CUX1: variants seen among roughly 807,000 people sequenced by gnomAD.
The protein encoded by CUX1 is protein CASP.
Under a neutral mutation model 158.8 loss-of-function variants are expected in CUX1, and 31 were observed. The observed-to-expected ratio is 0.20, with a 90% confidence interval of 0.15 to 0.26. The LOEUF (loss-of-function observed/expected upper bound fraction) is 0.26, where lower values mean the gene tolerates loss of function less well. Ranked by LOEUF, CUX1 falls within the 10% of genes least tolerant of loss-of-function variation. CUX1 has a pLI of 1.00. For missense variants in CUX1, 1,589 were observed against 2,014.6 expected (o/e 0.79, Z 4.04); for synonymous variants, 879 against 862.1 (o/e 1.02, Z -0.34).
chr7:102,090,122 G>A (rs766665360), intron 4 of CUX1, among the ~76,000 whole-genome samples: 5 of 152,166 alleles, frequency 3.3e-5, no homozygotes, highest in Non-Finnish European at 7.4e-5. Flanking sequence ...CATGGAAATG[G>A]CTGGAAAAAA....
intron 1 of CUX1, among the ~76,000 whole-genome samples, chr7:101,870,148 T>C (rs1798352577): frequency 8.9e-6 from 1 of 111,890 alleles, no homozygotes; most frequent in African/African-American, 3.7e-5. Context: ...TTTAGTGTTT[T>C]TTTTGTTTTT....
At chr7:102,179,276 G>A (rs1554513222) in intron 11 of CUX1, among the ~76,000 whole-genome samples, 1 of 152,170 alleles carries the variant, frequency 6.6e-6, no homozygotes. Context: ...TTGAGCTCCT[G>A]ACCTCAGGTG....
intron 2 of CUX1, among the ~76,000 whole-genome samples, chr7:101,962,203 AAC>A (rs1174376380): frequency 6.6e-6 from 1 of 152,218 alleles, no homozygotes. Context: ...AAGAGCTGAA[AAC>A]ACAAATGTAT....
intron 2 of CUX1, among the ~76,000 whole-genome samples, chr7:102,010,391 T>G (rs1817855463): frequency 8.4e-6 from 1 of 119,454 alleles, no homozygotes; most frequent in African/African-American, 3.2e-5. Flanking sequence ...AAGAAGACTC[T>G]GTCTCAAAAA....
Position 102,000,077 on chromosome 7 carries a change from G to A in CUX1, c.142-28021G>A, listed in dbSNP as rs555127537. Among the ~76,000 whole-genome samples the A allele has an allele frequency of 4.6e-5, 7 of 152,288 alleles. No individual in the cohort carries two copies. In the East Asian group the frequency reaches 9.7e-4, roughly 21 times the overall value. On this transcript the variant is annotated intron_variant, in intron 2 of 23. Transcript: ENST00000292535. ...ATAAAAGTACAAAAATTAGCTAGGC[G>A]TGGTAGCAGGCAACTGTAATCCCAG...
intron 1 of CUX1, among the ~76,000 whole-genome samples, chr7:101,886,909 G>A (rs1342278873): frequency 1.3e-5 from 2 of 152,172 alleles, no homozygotes; most frequent in South Asian, 2.1e-4. Flanking sequence ...GGTAGATGCT[G>A]CTTCACCAGC....
At chr7:102,169,153 G>A (rs1013859345) in intron 9 of CUX1, among the ~76,000 whole-genome samples, 17 of 151,970 alleles carry the variant, frequency 1.1e-4, no homozygotes, top group African/African-American at 2.7e-4. Flanking sequence ...GGCTGGTCTC[G>A]AACTCCTGAC....
downstream of CUX1, among the ~76,000 whole-genome samples, chr7:102,259,353 C>T (rs1023968775): frequency 1.4e-4 from 22 of 152,046 alleles, no homozygotes; most frequent in African/African-American, 4.8e-4. Flanking sequence ...TTTGGGAGGC[C>T]GAGGCCGGTG....
chr7:102,207,692 T>C (rs1437602609), intron 20 of CUX1, among the ~76,000 whole-genome samples: 23 of 151,984 alleles, frequency 1.5e-4, no homozygotes, highest in Non-Finnish European at 2.8e-4. Flanking sequence ...TCTCAGGTGA[T>C]CCCCCCACCT....
At chr7:102,049,038 G>A (rs1376909986) in intron 3 of CUX1, among the ~76,000 whole-genome samples, 1 of 151,910 alleles carries the variant, frequency 6.6e-6, no homozygotes, top group Non-Finnish European at 1.5e-5. Flanking sequence ...TCCTCGCTGG[G>A]GGATGGAATA....
intron 11 of CUX1, among the ~76,000 whole-genome samples, chr7:102,178,881 T>G (rs1321397164): frequency 6.6e-6 from 1 of 152,178 alleles, no homozygotes; most frequent in Admixed American, 6.5e-5. Flanking sequence ...TCTTTTTTTT[T>G]GGAGTCGGAG....
In CUX1 at chr7:102,201,971, A is replaced by G. The variant is rs201841147; in HGVS notation, c.2674A>G (p.Ser892Gly). Residue 892 changes from serine (S) to glycine (G), a missense_variant, in exon 18 of 24, where the codon AGC becomes GGC. Transcript: ENST00000292535. The surrounding 1 kb of genome is among the most constrained non-coding windows in gnomAD (Gnocchi z 5.0). ...CAGCGCTGAGTCCCCATACTCCCAG[A>G]GCTCAGAGCTGAGTCTGACCGGGGC... ...WPSAESPYSQ[S>G]SELSLTGASR... 9.3e-6 allele frequency: 15 copies of G among 1,613,884 alleles called. No homozygotes were observed. Among genetic ancestry groups the G allele is most frequent in the Non-Finnish European group, 8.5e-7 (1 of 1,180,000 alleles).
At chr7:101,966,999 T>TTTTTATTTTA (rs112895925) in intron 2 of CUX1, among the ~76,000 whole-genome samples, 2 of 152,152 alleles carry the variant, frequency 1.3e-5, no homozygotes, top group Admixed American at 1.3e-4. Flanking sequence ...ATTTGGAATT[T>TTTTTATTTTA]TTTTATTTTA....
At chr7:102,120,958 G>A (rs1249924980) in intron 8 of CUX1, among the ~76,000 whole-genome samples, 1 of 152,144 alleles carries the variant, frequency 6.6e-6, no homozygotes, top group African/African-American at 2.4e-5. Flanking sequence ...ATTTACTTGG[G>A]AGGCTGAGTT....
chr7:101,905,404 A>G (rs62463737), intron 1 of CUX1, among the ~76,000 whole-genome samples: 30,575 of 152,190 alleles, frequency 0.2, 3,920 homozygotes, highest in Non-Finnish European at 0.28. Flanking sequence ...GCATCCCTGT[A>G]TGCGTTGTGG....
chr7:101,925,518 T>C (rs1805481435), intron 2 of CUX1, among the ~76,000 whole-genome samples: 1 of 152,206 alleles, frequency 6.6e-6, no homozygotes, highest in South Asian at 2.1e-4. Context: ...AAAAATGTCC[T>C]AGAATAAGAC....
At chr7:102,280,180 G>T in intron 19 of CUX1, 3 of 1,166,294 alleles carry the variant, frequency 2.6e-6, no homozygotes, top group Non-Finnish European at 3.8e-6. Context: ...AAGCCCAGGG[G>T]TCCCCCCATC....
At chr7:102,131,224 G>A (rs1270498473) in intron 8 of CUX1, among the ~76,000 whole-genome samples, 2 of 151,866 alleles carry the variant, frequency 1.3e-5, no homozygotes, top group African/African-American at 4.8e-5. Flanking sequence ...ATTTCCGATC[G>A]ATTTTTCCAA....
chr7:102,229,361 G>A (rs554479419), intron 21 of CUX1, among the ~76,000 whole-genome samples: 325 of 151,062 alleles, frequency 2.2e-3, no homozygotes, highest in Non-Finnish European at 4.1e-3. Flanking sequence ...GGAGTGCAGT[G>A]GCGCAACCTC....
Sources: allele counts gnomAD v4.1 joint callset (sites outside exome capture counted in the v4.1 genomes callset), GRCh38; gene constraint gnomAD v4.1.1; non-coding constraint Gnocchi (gnomAD v3.1); transcripts MANE v1.5; gene names NCBI Gene and HGNC (gene_info 2026-07-23, HGNC 2026-07-21).